Variants in CALN1 observed in about 807,000 individuals in gnomAD.
The protein encoded by CALN1 is calcium-binding protein 8.
Under a neutral mutation model 30.6 loss-of-function variants are expected in CALN1, and 17 were observed. The ratio of observed to expected loss-of-function variants is 0.56; its 90% CI spans 0.38 to 0.83. The LOEUF (loss-of-function observed/expected upper bound fraction) is 0.83. CALN1 is among the 40% of genes least tolerant of loss of function. The pLI, the probability that CALN1 is intolerant of heterozygous loss-of-function variation, is 0.00. For missense variants in CALN1, 291 were observed against 354.9 expected, an observed-to-expected ratio of 0.82 and a Z score of 1.45; for synonymous variants, 156 against 131.4, an observed-to-expected ratio of 1.19 and a Z score of -1.28.
intron 3 of CALN1, among the ~76,000 whole-genome samples, chr7:72,246,109 T>C (rs1322195216): frequency 1.3e-5 from 2 of 152,218 alleles, no homozygotes; most frequent in African/African-American, 4.8e-5. Flanking sequence ...AGACACTTTA[T>C]TATGATAACA....
intron 3 of CALN1, among the ~76,000 whole-genome samples, chr7:72,269,181 C>T (rs1018878153): frequency 6.6e-6 from 1 of 152,136 alleles, no homozygotes; most frequent in Non-Finnish European, 1.5e-5. Flanking sequence ...TGGTTGAAGC[C>T]TATGTTATCC....
chr7:72,312,389 T>C (rs1036453780), intron 2 of CALN1, among the ~76,000 whole-genome samples: 5 of 128,950 alleles, frequency 3.9e-5, no homozygotes, highest in African/African-American at 6.4e-5. Context: ...TGAGACTTCA[T>C]CTCAGAAAAA....
intron 5 of CALN1, among the ~76,000 whole-genome samples, chr7:71,877,152 G>A (rs1271300773): frequency 6.6e-6 from 1 of 151,984 alleles, no homozygotes; most frequent in African/African-American, 2.4e-5. Flanking sequence ...AAAGACATAT[G>A]GTAAAAATCA....
At chr7:72,456,723 G>A in the CALN1 span, among the ~76,000 whole-genome samples, 8 of 152,030 alleles carry the variant, frequency 5.3e-5, no homozygotes, top group East Asian at 1.5e-3. Flanking sequence ...GCGTGCACTT[G>A]TAGTCCCAGC....
At chr7:72,305,372 CCTT>C (rs1258122710) in intron 2 of CALN1, among the ~76,000 whole-genome samples, 3 of 152,142 alleles carry the variant, frequency 2.0e-5, no homozygotes, top group African/African-American at 7.2e-5. Flanking sequence ...TGTTAAGGCT[CCTT>C]CTTAAGGCTG....
intron 4 of CALN1, among the ~76,000 whole-genome samples, chr7:72,035,836 A>G (rs371684918): frequency 6.6e-6 from 1 of 152,246 alleles, no homozygotes; most frequent in Admixed American, 6.5e-5. Flanking sequence ...AAAACGCATT[A>G]ATGTCTTAAA....
intron 5 of CALN1, among the ~76,000 whole-genome samples, chr7:72,020,973 T>C (rs778713989): frequency 2.6e-5 from 4 of 151,576 alleles, no homozygotes; most frequent in Admixed American, 2.0e-4. Flanking sequence ...AGGTAAAGAG[T>C]AGGAAGCATT....
At chr7:72,126,544 G>A (rs552825653) in intron 3 of CALN1, among the ~76,000 whole-genome samples, 107 of 151,794 alleles carry the variant, frequency 7.0e-4, no homozygotes, top group Admixed American at 1.2e-3. Context: ...CTGAGATTCT[G>A]GTGCACCTGT....
chr7:72,301,053 CA>C (rs995157239), intron 2 of CALN1, among the ~76,000 whole-genome samples: 1 of 151,970 alleles, frequency 6.6e-6, no homozygotes, highest in African/African-American at 2.4e-5. Context: ...ATCATTGGCC[CA>C]AAAACTTTGG....
intron 1 of CALN1, among the ~76,000 whole-genome samples, chr7:72,442,232 C>A (rs1808370607): frequency 6.6e-6 from 1 of 152,206 alleles, no homozygotes; most frequent in Non-Finnish European, 1.5e-5. Flanking sequence ...TCCCACCTTG[C>A]CCACCCACAA....
chr7:72,476,341 C>T, the CALN1 span, among the ~76,000 whole-genome samples: 1 of 152,130 alleles, frequency 6.6e-6, no homozygotes, highest in African/African-American at 2.4e-5. Flanking sequence ...CCTCCCCAGC[C>T]ATGCTAAACT....
At chr7:71,952,839 T>A (rs545848702) in intron 5 of CALN1, among the ~76,000 whole-genome samples, 5 of 152,184 alleles carry the variant, frequency 3.3e-5, no homozygotes, top group Non-Finnish European at 7.4e-5. Context: ...AGCTCATCAA[T>A]ACCTGTCCAG....
At position 72,383,482 on chromosome 7, in the gene CALN1, T is replaced by C. The variant is rs914670064; in HGVS notation, c.119+19769A>G. On this transcript the variant is annotated intron_variant, in intron 2 of 6. Coordinates refer to ENST00000395275, the MANE Select transcript of CALN1 (RefSeq NM_031468.4). ...TATCTCATTATGGTTTTGATTTGCC[T>C]CTCTCTGGTGGTTAGTGATGTGGAG... is the stretch of plus-strand genomic sequence containing the variant. Among the ~76,000 whole-genome samples, 5 of 152,160 alleles carry C rather than the reference T, an allele frequency of 3.3e-5. No individual in the cohort carries two copies. The East Asian group carries it at 9.7e-4, about 29-fold the overall frequency.
At chr7:72,111,047 T>C (rs951549231) in intron 3 of CALN1, among the ~76,000 whole-genome samples, 2 of 152,200 alleles carry the variant, frequency 1.3e-5, no homozygotes, top group African/African-American at 4.8e-5. Context: ...TACTCCTTCT[T>C]TGGCCTAAAG....
chr7:72,205,551 A>AAAAATATATATATATATATATATATAT, intron 3 of CALN1, among the ~76,000 whole-genome samples: 1 of 83,052 alleles, frequency 1.2e-5, no homozygotes, highest in African/African-American at 7.5e-5. Context: ...GCAAAAAAAA[A>AAAAATATATATATATATATATATATAT]ATATATATAT....
chr7:72,291,881 G>A (rs1054575192), intron 2 of CALN1, among the ~76,000 whole-genome samples: 1 of 151,924 alleles, frequency 6.6e-6, no homozygotes, highest in Non-Finnish European at 1.5e-5. Context: ...CAAAGTACTG[G>A]GATTACAGAC....
intron 4 of CALN1, among the ~76,000 whole-genome samples, chr7:72,048,823 G>A (rs372997342): frequency 2.7e-5 from 4 of 146,112 alleles, no homozygotes; most frequent in South Asian, 2.1e-4. Flanking sequence ...TCTTTCTTTC[G>A]ACAGGGTCTC....
chr7:72,159,854 T>C (rs971893676), intron 3 of CALN1, among the ~76,000 whole-genome samples: 4 of 152,034 alleles, frequency 2.6e-5, no homozygotes, highest in Admixed American at 1.3e-4. Context: ...GAAAGAAGAA[T>C]TGACAGAGCT....
chr7:72,495,001 T>A, the CALN1 span, among the ~76,000 whole-genome samples: 1 of 151,926 alleles, frequency 6.6e-6, no homozygotes, highest in African/African-American at 2.4e-5. Context: ...CTGCATGACC[T>A]GGTCTTGGAA....
Sources: allele counts gnomAD v4.1 joint callset (sites outside exome capture counted in the v4.1 genomes callset), GRCh38; gene constraint gnomAD v4.1.1; transcripts MANE v1.5; gene names NCBI Gene and HGNC (gene_info 2026-07-23, HGNC 2026-07-21).